ATP6V1A: variants seen among roughly 807,000 people sequenced by gnomAD.
The protein encoded by ATP6V1A is V-type proton ATPase catalytic subunit A.
Under a neutral mutation model 70.1 loss-of-function variants are expected in ATP6V1A, and 18 were observed. The ratio of observed to expected loss-of-function variants is 0.26; its 90% CI spans 0.18 to 0.38. The LOEUF (loss-of-function observed/expected upper bound fraction) is 0.38. Among genes scored for constraint, ATP6V1A ranks in the 10% least tolerant of loss-of-function variants. The pLI, the probability that ATP6V1A is intolerant of heterozygous loss-of-function variation, is 1.00. For synonymous variants in ATP6V1A, 232 were observed against 253.8 expected (o/e 0.91, Z 0.82); for missense variants, 424 against 772.4 (o/e 0.55, Z 5.35).
intron 2 of ATP6V1A, 141 bp from the exon 3 acceptor site, chr3:113,780,909 T>A: frequency 7.6e-7 from 1 of 1,315,166 alleles, no homozygotes; most frequent in South Asian, 1.5e-5. Context: ...ACTACCAGTA[T>A]GTTCCATAGT....
rs1168689412 is a variant in ATP6V1A, at chr3:113,784,431, A to T, written c.419A>T (p.Asn140Ile). The T allele has an allele frequency of 6.2e-7, 1 of 1,609,130 alleles. No homozygotes were observed. The highest frequency in any genetic ancestry group is 2.2e-5 in the East Asian group (1 of 44,830). ...DIKWDFTPCK[N>I]LRVGSHITGG... ...AAATGGGACTTTACACCTTGCAAAA[A>T]CCTACGGGTATGTCTGTGTAACCAA... The change falls in exon 4 of 15, where the codon AAC becomes ATC. Residue 140 changes from asparagine to isoleucine, a missense_variant. Physicochemically the swap from Asn to Ile is moderately radical, Grantham distance 149 (BLOSUM62 -3). This residue lies in a region of ATP6V1A where 139 missense variants were observed against 163.5 expected (regional missense o/e 0.85). Transcript: ENST00000273398.
chr3:113,753,488 G>C (rs2108006460), intron 1 of ATP6V1A, among the ~76,000 whole-genome samples: 1 of 152,242 alleles, frequency 6.6e-6, no homozygotes, highest in Admixed American at 6.5e-5. Flanking sequence ...AGGAGTGTTA[G>C]CTGCAACAGT....
intron 1 of ATP6V1A, among the ~76,000 whole-genome samples, chr3:113,765,683 G>A (rs762590790): frequency 2.6e-5 from 4 of 151,534 alleles, no homozygotes; most frequent in Non-Finnish European, 4.4e-5. Context: ...TTGGGAGGCC[G>A]AGGTGGGCAG....
chr3:113,780,686 T>G, intron 2 of ATP6V1A: 1 of 1,208,022 alleles, frequency 8.3e-7, no homozygotes, highest in Non-Finnish European at 1.1e-6. Flanking sequence ...AGCCAAACCA[T>G]TTATTCCAAT....
chr3:113,766,547 A>C (rs1708773835), intron 1 of ATP6V1A, among the ~76,000 whole-genome samples: 1 of 152,150 alleles, frequency 6.6e-6, no homozygotes, highest in Non-Finnish European at 1.5e-5. Context: ...CTTCTGCCTT[A>C]GCCTCCCAAA....
chr3:113,755,888 A>T (rs543626265), intron 1 of ATP6V1A, among the ~76,000 whole-genome samples: 3 of 152,140 alleles, frequency 2.0e-5, no homozygotes, highest in African/African-American at 7.2e-5. Context: ...CTTGAGTATT[A>T]CGTTGGAGAT....
intron 1 of ATP6V1A, among the ~76,000 whole-genome samples, chr3:113,768,670 A>C (rs566276846): frequency 6.5e-4 from 94 of 144,904 alleles, no homozygotes; most frequent in African/African-American, 2.3e-3. Flanking sequence ...ATCTCGGCTC[A>C]GTGCAACCTC....
At chr3:113,755,494 G>A (rs988156095) in intron 1 of ATP6V1A, among the ~76,000 whole-genome samples, 8 of 151,922 alleles carry the variant, frequency 5.3e-5, no homozygotes, top group African/African-American at 7.3e-5. Context: ...CCCGCTATTC[G>A]GGAGGCTGAG....
intron 1 of ATP6V1A, among the ~76,000 whole-genome samples, chr3:113,752,478 T>A (rs990099486): frequency 6.6e-6 from 1 of 151,986 alleles, no homozygotes; most frequent in East Asian, 1.9e-4. Flanking sequence ...ATATTTGAAT[T>A]CATAATGTCA....
intron 14 of ATP6V1A, among the ~76,000 whole-genome samples, chr3:113,808,338 C>T (rs1327683993): frequency 5.9e-5 from 7 of 119,390 alleles, no homozygotes; most frequent in Non-Finnish European, 9.7e-5. Context: ...TGTCACTAGG[C>T]TGGAGTGCAG....
intron 5 of ATP6V1A, 137 bp downstream of exon 5, chr3:113,784,970 TTTTG>T (rs1472711173): frequency 4.2e-6 from 4 of 953,028 alleles, no homozygotes; most frequent in Non-Finnish European, 2.9e-6. Context: ...TTTTGAAAGT[TTTTG>T]TTTGTTTATT....
chr3:113,794,765 C>G (rs1709135732), intron 8 of ATP6V1A, 107 bp from the exon 9 acceptor site: 1 of 1,276,276 alleles, frequency 7.8e-7, no homozygotes, highest in African/African-American at 1.5e-5. Flanking sequence ...GAGCCACTAG[C>G]AGTCTACGTT....
At chr3:113,786,051 C>T (rs1429440423) in intron 5 of ATP6V1A, among the ~76,000 whole-genome samples, 181 bp from the exon 6 acceptor site, 2 of 144,856 alleles carry the variant, frequency 1.4e-5, no homozygotes, top group Admixed American at 6.9e-5. Context: ...AATAAATGCA[C>T]CAGGTTAAAA....
rs760122433 is a variant in ATP6V1A at position 113,789,714 on chromosome 3, T to TCTCCA, written c.880-18_880-17insCTCCA. 127 of 1,542,600 alleles carry TCTCCA rather than the reference T, an allele frequency of 8.2e-5. No individual in the cohort carries two copies. The highest frequency in any genetic ancestry group is 1.1e-4 in the Non-Finnish European group (118 of 1,117,478). Reference sequence around the variant, plus strand: ...ACCTTAGAAATTGGAGATTCACTAATATATATTTTACCTCTAGCTCACAAT... The same window carrying TCTCCA: ...ACCTTAGAAATTGGAGATTCACTAATCTCCAATATATTTTACCTCTAGCTCACAAT... On this transcript the variant is annotated splice_polypyrimidine_tract_variant and intron_variant, in intron 7 of 14. Coordinates refer to ENST00000273398, the MANE Select transcript of ATP6V1A (RefSeq NM_001690.4).
At position 113,805,498 on chromosome 3, in the gene ATP6V1A, C is replaced by T; in HGVS notation, c.1734C>T (p.Leu578=). ...TTCGTGAGCACATGGGAGACATCCTCTATAAACTTTCCTCCATGAAATTCA... is the reference window on the plus strand; with the variant it reads ...TTCGTGAGCACATGGGAGACATCCTTTATAAACTTTCCTCCATGAAATTCA... The part of the protein sequence containing the change: ...SIIREHMGDI[L]YKLSSMKFKD... Residue 578 remains leucine (L), a synonymous_variant, in exon 14 of 15, where the codon CTC becomes CTT. Coordinates refer to ENST00000273398, the MANE Select transcript of ATP6V1A (RefSeq NM_001690.4). The T allele has an allele frequency of 1.2e-6, 2 of 1,612,664 alleles. No individual in the cohort carries two copies. The highest frequency in any genetic ancestry group is 1.7e-6 in the Non-Finnish European group (2 of 1,179,482).
chr3:113,760,044 G>A (rs1011984893), intron 1 of ATP6V1A, among the ~76,000 whole-genome samples: 2 of 152,218 alleles, frequency 1.3e-5, no homozygotes, highest in African/African-American at 2.4e-5. Flanking sequence ...TACCAGAGGA[G>A]CAGGCAGTTA....
chr3:113,775,369 A>T (rs550329836), intron 1 of ATP6V1A, among the ~76,000 whole-genome samples: 1 of 151,832 alleles, frequency 6.6e-6, no homozygotes, highest in East Asian at 1.9e-4. Context: ...AGCTGGAATT[A>T]CAGGCGCCCA....
chr3:113,794,777 T>C (rs1709135959), intron 8 of ATP6V1A, 95 bp from the exon 9 acceptor site: 8 of 1,400,240 alleles, frequency 5.7e-6, no homozygotes, highest in Non-Finnish European at 4.8e-6. Flanking sequence ...GTCTACGTTG[T>C]GTACTTATTG....
intron 13 of ATP6V1A, 148 bp downstream of exon 13, chr3:113,803,825 A>T: frequency 1.7e-6 from 1 of 577,694 alleles, no homozygotes; most frequent in Non-Finnish European, 3.1e-6. Flanking sequence ...TGTAGTAGAC[A>T]TGATCTAATA....
Sources: gnomAD v4.1 joint callset for allele counts (sites outside exome capture counted in the v4.1 genomes callset) on GRCh38, gnomAD v4.1.1 for gene constraint, gnomAD v4.1.1 regional missense constraint, MANE v1.5 for transcripts, NCBI Gene and HGNC (gene_info 2026-07-23, HGNC 2026-07-21) for gene names.